ASCC3: variants seen among roughly 807,000 people sequenced by gnomAD.
ASCC3 encodes the protein ASC-1 complex subunit P200.
ASCC3 carries 158 observed loss-of-function variants against 256.3 expected under a neutral mutation model. The ratio of observed to expected loss-of-function variants is 0.62; its 90% CI spans 0.54 to 0.70. The LOEUF (loss-of-function observed/expected upper bound fraction) is 0.70, where lower values mean the gene tolerates loss of function less well. ASCC3 is among the 30% of genes least tolerant of loss of function. ASCC3 has a pLI of 0.00. For missense variants in ASCC3, 2,259 were observed against 2,626.0 expected, an observed-to-expected ratio of 0.86 and a Z score of 3.05; for synonymous variants, 948 against 883.4, an observed-to-expected ratio of 1.07 and a Z score of -1.30.
chr6:100,528,015 T>C (rs983575066), intron 37 of ASCC3, among the ~76,000 whole-genome samples: 2 of 151,778 alleles, frequency 1.3e-5, no homozygotes, highest in Non-Finnish European at 2.9e-5. Flanking sequence ...TTTTTTTTTT[T>C]GGTAGATATG....
At chr6:100,576,120 T>C (rs1770845624) in intron 36 of ASCC3, among the ~76,000 whole-genome samples, 1 of 152,060 alleles carries the variant, frequency 6.6e-6, no homozygotes, top group Non-Finnish European at 1.5e-5. Flanking sequence ...AGGGCATCAA[T>C]GGAGCAAGAC....
intron 1 of ASCC3, among the ~76,000 whole-genome samples, chr6:100,875,481 A>C (rs769486988): frequency 2.0e-5 from 3 of 152,182 alleles, no homozygotes; most frequent in Non-Finnish European, 4.4e-5. Context: ...CCATGGATGA[A>C]CATAATATTG....
chr6:100,781,685 G>C lies in ASCC3; in HGVS notation c.1396-14340C>G, dbSNP rs897730893. On this transcript the variant is annotated intron_variant, in intron 8 of 41. Transcript: ENST00000369162. Reference sequence around the variant, plus strand: ...TTACAGGTGTGAGCCACCGCGCCCGGCCAGTACATTTGTTCTTAAAACCAA... The same window carrying C: ...TTACAGGTGTGAGCCACCGCGCCCGCCCAGTACATTTGTTCTTAAAACCAA... Among the ~76,000 whole-genome samples the C allele has an allele frequency of 1.1e-4, 16 of 151,986 alleles. No homozygotes were observed. In the East Asian group the frequency reaches 2.3e-3, roughly 22 times the overall value.
At chr6:100,791,180 A>G (rs1287744551) in intron 8 of ASCC3, among the ~76,000 whole-genome samples, 1 of 151,892 alleles carries the variant, frequency 6.6e-6, no homozygotes, top group Non-Finnish European at 1.5e-5. Flanking sequence ...GATAGCCCAA[A>G]CAGAAAATAA....
chr6:100,638,548 A>G, intron 25 of ASCC3, 53 bp downstream of exon 25: 1 of 1,427,114 alleles, frequency 7.0e-7, no homozygotes, highest in Non-Finnish European at 9.8e-7. Flanking sequence ...TCTAGTTTAG[A>G]GATTATGAAC....
Position 100,605,659 on chromosome 6 carries a change from C to A in ASCC3, c.5086G>T (p.Asp1696Tyr). The change falls in exon 33 of 42, where the codon GAT becomes TAT. Residue 1696 changes from aspartate (D) to tyrosine (Y), a missense_variant. Physicochemically the swap from Asp to Tyr is radical, Grantham distance 160. Around this residue, in one of 2 missense-constraint regions of ASCC3, gnomAD observed 1,839 missense variants for 2,206.7 expected, o/e 0.83. Transcript: ENST00000369162. The stretch of plus-strand genomic sequence containing the variant: ...AGAATTACAGCTTTGCCTTGGTCAT[C>A]GAACTGCGGCCTCCCAGCACGCCCC... ...MMGRAGRPQF[D>Y]DQGKAVILVH... 1 of 1,612,778 alleles carries A rather than the reference C, an allele frequency of 6.2e-7. No individual in the cohort carries two copies.
intron 4 of ASCC3, among the ~76,000 whole-genome samples, chr6:100,841,592 C>T (rs1356567888): frequency 6.6e-6 from 1 of 151,904 alleles, no homozygotes; most frequent in Non-Finnish European, 1.5e-5. Context: ...AAGCATTCTA[C>T]ATGTCAGTAC....
At chr6:100,527,822 A>AC (rs1774659432) in intron 37 of ASCC3, among the ~76,000 whole-genome samples, 1 of 151,124 alleles carries the variant, frequency 6.6e-6, no homozygotes, top group South Asian at 2.1e-4. Flanking sequence ...ATATACACAC[A>AC]CATCTTCTTT....
chr6:100,865,549 T>C (rs1295791849), intron 2 of ASCC3, among the ~76,000 whole-genome samples: 1 of 152,190 alleles, frequency 6.6e-6, no homozygotes, highest in Non-Finnish European at 1.5e-5. Context: ...GTTTTGTATC[T>C]AACCAAATTT....
chr6:100,862,244 A>G (rs1773259069), intron 3 of ASCC3, among the ~76,000 whole-genome samples: 1 of 152,168 alleles, frequency 6.6e-6, no homozygotes. Flanking sequence ...AAACCTCATC[A>G]AAGTGTGTTA....
At chr6:100,554,338 C>T (rs540047850) in intron 36 of ASCC3, among the ~76,000 whole-genome samples, 14 of 152,192 alleles carry the variant, frequency 9.2e-5, no homozygotes, top group African/African-American at 2.6e-4. Context: ...AGAGGAAAGA[C>T]ACGACCAGAA....
chr6:100,848,814 A>T, intron 3 of ASCC3, 107 bp from the exon 4 acceptor site: 4 of 1,070,382 alleles, frequency 3.7e-6, no homozygotes, highest in Admixed American at 3.9e-5. Context: ...CTAACAGTCA[A>T]ATCATAGCAA....
At chr6:100,868,980 T>C (rs1385291305) in intron 1 of ASCC3, among the ~76,000 whole-genome samples, 1 of 152,216 alleles carries the variant, frequency 6.6e-6, no homozygotes, top group Middle Eastern at 3.2e-3. Flanking sequence ...ACTGTACTAG[T>C]TTAAGATTGC....
chr6:100,749,563 T>C (rs1248312092), intron 10 of ASCC3, among the ~76,000 whole-genome samples: 1 of 151,974 alleles, frequency 6.6e-6, no homozygotes, highest in Non-Finnish European at 1.5e-5. Context: ...CAGTTAGAAA[T>C]GTAAAACTAT....
At chr6:100,723,860 T>TTATATATATA (rs58924032) in intron 11 of ASCC3, among the ~76,000 whole-genome samples, 59 of 110,208 alleles carry the variant, frequency 5.4e-4, no homozygotes, top group African/African-American at 9.8e-4. Context: ...TATTAGGGAA[T>TTATATATATA]TATATATATA....
chr6:100,742,958 C>T (rs548243057), intron 10 of ASCC3, among the ~76,000 whole-genome samples: 4 of 152,264 alleles, frequency 2.6e-5, no homozygotes, highest in African/African-American at 9.6e-5. Flanking sequence ...GGACCTCTCT[C>T]GCCTTGCCAG....
chr6:100,683,089 C>T (rs969922783), intron 13 of ASCC3, among the ~76,000 whole-genome samples: 1 of 152,090 alleles, frequency 6.6e-6, no homozygotes, highest in East Asian at 1.9e-4. Flanking sequence ...AATAAAACCA[C>T]CACTACAAAG....
rs1582374681 is a variant in ASCC3 at position 100,517,936 on chromosome 6, A to C, written c.5927+55T>G. On this transcript the variant is annotated intron_variant, in intron 38 of 41. Coordinates refer to ENST00000369162, the MANE Select transcript of ASCC3 (RefSeq NM_006828.4). ...AAATTTCAGTGACTACATATATAAA[A>C]AATATTTTTTTGAAATCAAAACAAA... The C allele has an allele frequency of 2.5e-6, 4 of 1,576,870 alleles. No individual in the cohort carries two copies. In the East Asian group the frequency reaches 9.0e-5, roughly 35 times the overall value.
intron 36 of ASCC3, among the ~76,000 whole-genome samples, chr6:100,558,629 T>TA (rs899865992): frequency 2.6e-5 from 4 of 152,160 alleles, no homozygotes; most frequent in African/African-American, 9.6e-5. Context: ...CATTTGAAGA[T>TA]ATCATAGTTT....
Sources: allele counts gnomAD v4.1 joint callset (sites outside exome capture counted in the v4.1 genomes callset), GRCh38; gene constraint gnomAD v4.1.1; regional missense constraint gnomAD v4.1.1; transcripts MANE v1.5; gene names NCBI Gene and HGNC (gene_info 2026-07-23, HGNC 2026-07-21).